Variants in IL17RD observed in about 807,000 individuals in gnomAD.
The protein encoded by IL17RD is interleukin-17 receptor D.
In IL17RD, 52 loss-of-function variants were observed where a neutral mutation model predicts 80.5. That is an observed-to-expected ratio of 0.65 (90% CI 0.52 to 0.81). The LOEUF is 0.81. IL17RD is among the 40% of genes least tolerant of loss of function. The pLI is 0.00. For missense variants in IL17RD, 1,024 were observed against 955.1 expected (o/e 1.07, Z -0.95); for synonymous variants, 416 against 391.8 (o/e 1.06, Z -0.73).
At chr3:57,120,958 C>A (rs1707324010) in intron 1 of IL17RD, among the ~76,000 whole-genome samples, 1 of 152,214 alleles carries the variant, frequency 6.6e-6, no homozygotes, top group Non-Finnish European at 1.5e-5. Context: ...AATACCAGGG[C>A]TAACAACTGT....
At position 57,152,433 on chromosome 3, in the gene IL17RD, C is replaced by A. The variant is rs372305079; in HGVS notation, c.126+12728G>T. Among the ~76,000 whole-genome samples the A allele has an allele frequency of 1.8e-4, 28 of 152,338 alleles. No homozygotes were observed. In the East Asian group the frequency reaches 1.9e-3, roughly 10 times the overall value. On this transcript the variant is annotated intron_variant, in intron 1 of 12. Transcript: ENST00000296318. ...TGCTGAATGTCCCACTATTACATCT[C>A]GGCATGACATTTCATGGCCAGCAGG...
chr3:57,140,637 T>G (rs1356778469), intron 1 of IL17RD, among the ~76,000 whole-genome samples: 1 of 152,162 alleles, frequency 6.6e-6, no homozygotes, highest in East Asian at 1.9e-4. Flanking sequence ...AGTGGGTCAG[T>G]TTTGGCATCA....
In IL17RD at chr3:57,092,048, C is replaced by G. The variant is rs996332958; in HGVS notation, c.*4345G>C. The G allele has an allele frequency of 2.0e-5, 3 of 152,664 alleles. No homozygotes were observed. Among genetic ancestry groups the G allele is most frequent in the Non-Finnish European group, 4.4e-5 (3 of 68,042 alleles). 9.5% of individuals were successfully genotyped at this position (152,664 alleles called of 1,614,324 possible). A position where few individuals can be genotyped will look rare whatever the true frequency, so the allele number is the denominator to read the frequency against. ...GGACTCCTAACTGATATCTCAGTAT[C>G]AGGAAAAGCTTTTCTCTGTATACTG... On this transcript the variant is annotated 3_prime_UTR_variant, in exon 13 of 13. Coordinates refer to ENST00000296318, the MANE Select transcript of IL17RD (RefSeq NM_017563.5).
rs2107498088 is a variant in IL17RD at position 57,119,844 on chromosome 3, AT to A, written c.184+411del. Among the ~76,000 whole-genome samples, 2 of 152,358 alleles carry A rather than the reference AT, an allele frequency of 1.3e-5. 1 individual carries two copies. The highest frequency in any genetic ancestry group is 3.9e-4 in the East Asian group (2 of 5,192). On this transcript the variant is annotated intron_variant, in intron 2 of 12. Coordinates refer to ENST00000296318, the MANE Select transcript of IL17RD (RefSeq NM_017563.5). ...AGTGGGAATTCCTCATGGCCACCAT[AT>A]TTGGAATTAAGGAGTCAAGGCTCCC...
intron 8 of IL17RD, among the ~76,000 whole-genome samples, chr3:57,103,744 A>G (rs1807343): frequency 0.85 from 129,448 of 152,018 alleles, 55,705 homozygotes; most frequent in South Asian, 0.95. Context: ...TCACTCTTTC[A>G]CCCAGGCTGG....
intron 3 of IL17RD, among the ~76,000 whole-genome samples, chr3:57,113,735 G>T (rs1449017430): frequency 6.6e-6 from 1 of 151,868 alleles, no homozygotes; most frequent in African/African-American, 2.4e-5. Flanking sequence ...AAATGGGGGG[G>T]TCTCACTTTG....
intron 1 of IL17RD, among the ~76,000 whole-genome samples, chr3:57,138,155 G>A (rs1707763576): frequency 6.6e-6 from 1 of 152,186 alleles, no homozygotes; most frequent in Admixed American, 6.5e-5. Flanking sequence ...TTAGGAAGGT[G>A]AAAAAGTTCT....
At chr3:57,142,903 A>G (rs1707857504) in intron 1 of IL17RD, among the ~76,000 whole-genome samples, 1 of 152,228 alleles carries the variant, frequency 6.6e-6, no homozygotes. Context: ...TTTCATTCCC[A>G]GAGTCCTTTT....
chr3:57,169,317 GC>G, upstream of IL17RD: 1 of 498,466 alleles, frequency 2.0e-6, no homozygotes, highest in Non-Finnish European at 4.0e-6. Flanking sequence ...ATTCACCTCT[GC>G]CCCCATGCCT....
upstream of IL17RD, chr3:57,169,301 C>G (rs749598302): frequency 1.4e-5 from 7 of 510,038 alleles, no homozygotes; most frequent in Non-Finnish European, 2.7e-5. Context: ...AGGTGGCTGT[C>G]ATCTGATTCA....
At position 57,097,863 on chromosome 3, in the gene IL17RD, C is replaced by G. The variant is rs765937234; in HGVS notation, c.1840G>C (p.Gly614Arg). 1.2e-6 allele frequency: 2 copies of G among 1,613,350 alleles called. No homozygotes were observed. The highest frequency in any genetic ancestry group is 2.7e-5 in the African/African-American group (2 of 74,916). Residue 614 changes from glycine to arginine, a missense_variant, in exon 12 of 13, where the codon GGA becomes CGA. Coordinates refer to ENST00000296318, the MANE Select transcript of IL17RD (RefSeq NM_017563.5). ...CTCTCGTGCTGGGAGTCGGCTGGTC[C>G]GGTTGCCCCAAGAACAGCCGCCTCT... ...KVEAAVLGAT[G>R]PADSQHESQH...
chr3:57,147,107 G>A (rs1707949815), intron 1 of IL17RD, among the ~76,000 whole-genome samples: 1 of 151,646 alleles, frequency 6.6e-6, no homozygotes, highest in African/African-American at 2.4e-5. Context: ...AAACTGATGG[G>A]ATCATAGGCT....
intron 1 of IL17RD, among the ~76,000 whole-genome samples, chr3:57,128,321 C>T (rs1028500601): frequency 6.6e-6 from 1 of 152,172 alleles, no homozygotes; most frequent in African/African-American, 2.4e-5. Context: ...ACCGCCTGTG[C>T]ACCAGACCAA....
At chr3:57,116,716 A>C (rs1707223860) in intron 2 of IL17RD, among the ~76,000 whole-genome samples, 1 of 152,158 alleles carries the variant, frequency 6.6e-6, no homozygotes, top group Admixed American at 6.5e-5. Flanking sequence ...AATAGGAAAA[A>C]ATTTATAACA....
At chr3:57,169,366 G>A, upstream of IL17RD, 1 of 411,308 alleles carries the variant, frequency 2.4e-6, no homozygotes, top group South Asian at 1.7e-5. Context: ...GCAAGAGACT[G>A]TCACCACCTC....
At chr3:57,154,283 T>TATACACATATACACACACAC (rs904157398) in intron 1 of IL17RD, among the ~76,000 whole-genome samples, 1 of 112,908 alleles carries the variant, frequency 8.9e-6, no homozygotes, top group Non-Finnish European at 1.8e-5. Flanking sequence ...TATATATATA[T>TATACACATATACACACACAC]ACACACACAC....
intron 10 of IL17RD, 137 bp from the exon 11 acceptor site, chr3:57,101,500 C>T (rs1706829014): frequency 3.5e-6 from 2 of 566,738 alleles, no homozygotes; most frequent in Admixed American, 6.1e-5. Context: ...CCATCAGCCC[C>T]CTCTGATCAT....
intron 11 of IL17RD, among the ~76,000 whole-genome samples, chr3:57,100,252 A>T (rs1706795566): frequency 6.6e-6 from 1 of 152,240 alleles, no homozygotes; most frequent in Admixed American, 6.5e-5. Context: ...TTTCATGCAG[A>T]GGGAAACTAG....
intron 9 of IL17RD, 56 bp downstream of exon 9, chr3:57,103,035 C>G: frequency 8.1e-7 from 1 of 1,237,920 alleles, no homozygotes; most frequent in Non-Finnish European, 1.2e-6. Flanking sequence ...CAGAGAGTAT[C>G]ACATACCTTG....
Sources: allele counts gnomAD v4.1 joint callset (sites outside exome capture counted in the v4.1 genomes callset), GRCh38; gene constraint gnomAD v4.1.1; transcripts MANE v1.5; gene names NCBI Gene and HGNC (gene_info 2026-07-23, HGNC 2026-07-21).